FRAS1: variants seen among roughly 807,000 people sequenced by gnomAD.
The protein encoded by FRAS1 is extracellular matrix organizing protein FRAS1.
A neutral mutation model predicts 435.2 loss-of-function variants in FRAS1; 290 were observed. The ratio of observed to expected loss-of-function variants is 0.67; its 90% CI spans 0.61 to 0.73. The LOEUF is 0.73. Ranked by LOEUF, FRAS1 falls within the 30% of genes least tolerant of loss-of-function variation. The pLI, the probability that FRAS1 is intolerant of heterozygous loss-of-function variation, is 0.00. For missense variants in FRAS1, 4,860 were observed against 5,001.5 expected, an observed-to-expected ratio of 0.97 and a Z score of 0.85; for synonymous variants, 1,800 against 1,851.0, an observed-to-expected ratio of 0.97 and a Z score of 0.71.
Position 78,513,435 on chromosome 4 carries a change from C to T in FRAS1, c.10057C>T (p.Pro3353Ser). ...VQIPHQDGML[P>S]LISTMPLHNL... Reference sequence around the variant, plus strand: ...GATCCCACACCAGGATGGAATGCTGCCCCTTATCTCCACCATGCCGTTGCA... The same window carrying T: ...GATCCCACACCAGGATGGAATGCTGTCCCTTATCTCCACCATGCCGTTGCA... The change falls in exon 65 of 74, where the codon CCC becomes TCC. Residue 3353 changes from proline (P) to serine (S), a missense_variant. Physicochemically the swap from Pro to Ser is moderately conservative, Grantham distance 74 (BLOSUM62 -1). Coordinates refer to ENST00000512123, the MANE Select transcript of FRAS1 (RefSeq NM_025074.7). The T allele has an allele frequency of 6.2e-7, 1 of 1,613,930 alleles. No homozygotes were observed. Among genetic ancestry groups the T allele is most frequent in the Non-Finnish European group, 8.5e-7 (1 of 1,179,830 alleles).
intron 31 of FRAS1, among the ~76,000 whole-genome samples, chr4:78,411,204 AG>A (rs1380720541): frequency 2.7e-5 from 4 of 149,522 alleles, no homozygotes; most frequent in African/African-American, 9.9e-5. Flanking sequence ...TCCACCTCCC[AG>A]GTTCAAGCAG....
At chr4:78,227,122 A>G (rs1724309343) in intron 2 of FRAS1, among the ~76,000 whole-genome samples, 1 of 152,242 alleles carries the variant, frequency 6.6e-6, no homozygotes, top group African/African-American at 2.4e-5. Flanking sequence ...AATAAAATAC[A>G]GTACAGCCTT....
chr4:78,114,545 G>T (rs934769086), intron 2 of FRAS1, among the ~76,000 whole-genome samples: 1 of 151,574 alleles, frequency 6.6e-6, no homozygotes, highest in Non-Finnish European at 1.5e-5. Context: ...GGTCCTTCAT[G>T]TCCCTTTAAG....
At chr4:78,084,693 C>A (rs1387170817) in intron 2 of FRAS1, among the ~76,000 whole-genome samples, 2 of 152,058 alleles carry the variant, frequency 1.3e-5, no homozygotes, top group African/African-American at 4.8e-5. Context: ...CCTCTTCATA[C>A]ATTTCCTGCT....
intron 24 of FRAS1, 21 bp downstream of exon 24, chr4:78,372,879 C>G: frequency 6.2e-7 from 1 of 1,609,010 alleles, no homozygotes; most frequent in Non-Finnish European, 8.5e-7. Context: ...AGAGGCCCTG[C>G]TCTGTGCTCA....
intron 66 of FRAS1, among the ~76,000 whole-genome samples, chr4:78,518,642 G>C (rs1721293085): frequency 6.6e-6 from 1 of 152,046 alleles, no homozygotes; most frequent in African/African-American, 2.4e-5. Flanking sequence ...TTAAAAGCAG[G>C]AACACAAACT....
chr4:78,199,725 T>C (rs1489485307), intron 2 of FRAS1, among the ~76,000 whole-genome samples: 2 of 152,198 alleles, frequency 1.3e-5, no homozygotes, highest in African/African-American at 4.8e-5. Context: ...TATGCTAACA[T>C]TGATTTGATT....
intron 2 of FRAS1, among the ~76,000 whole-genome samples, chr4:78,232,667 T>C (rs1724567248): frequency 6.6e-6 from 1 of 152,238 alleles, no homozygotes; most frequent in Admixed American, 6.5e-5. Context: ...AATGTAGTAA[T>C]GACATTCAAC....
intron 35 of FRAS1, among the ~76,000 whole-genome samples, chr4:78,425,954 A>G (rs1433743365): frequency 6.6e-6 from 1 of 152,110 alleles, no homozygotes; most frequent in Admixed American, 6.6e-5. Flanking sequence ...CCACGCACAT[A>G]GTAATATTCC....
chr4:78,195,258 G>C (rs1437568373), intron 2 of FRAS1, among the ~76,000 whole-genome samples: 1 of 152,214 alleles, frequency 6.6e-6, no homozygotes, highest in Non-Finnish European at 1.5e-5. Flanking sequence ...GTTCTCAGAT[G>C]TCCAGCTGCG....
chr4:78,234,138 G>A (rs1188872276), intron 2 of FRAS1, among the ~76,000 whole-genome samples: 3 of 152,176 alleles, frequency 2.0e-5, no homozygotes, highest in South Asian at 2.1e-4. Context: ...CTGAAACCAA[G>A]ATTGTTTTCT....
At chr4:78,250,917 T>C (rs1344998695) in intron 4 of FRAS1, among the ~76,000 whole-genome samples, 1 of 152,216 alleles carries the variant, frequency 6.6e-6, no homozygotes, top group Non-Finnish European at 1.5e-5. Flanking sequence ...TTTGAAAATT[T>C]GAAATGTCTT....
At chr4:78,333,128 T>G in intron 18 of FRAS1, 144 bp from the exon 19 acceptor site, 74 of 839,516 alleles carry the variant, frequency 8.8e-5, no homozygotes, top group Non-Finnish European at 1.2e-4. Flanking sequence ...GGGAAGTGTG[T>G]GAGATGTGCA....
At chr4:78,494,941 C>T (rs978042427) in intron 59 of FRAS1, among the ~76,000 whole-genome samples, 1 of 152,198 alleles carries the variant, frequency 6.6e-6, no homozygotes, top group Non-Finnish European at 1.5e-5. Flanking sequence ...GAATACTTTA[C>T]AGAATGTCAC....
At chr4:78,085,172 A>T (rs1741085666) in intron 2 of FRAS1, among the ~76,000 whole-genome samples, 1 of 152,238 alleles carries the variant, frequency 6.6e-6, no homozygotes, top group East Asian at 1.9e-4. Flanking sequence ...ACTTGAAATG[A>T]TTCTTTTCTA....
At chr4:78,421,401 G>T (rs13104315) in intron 33 of FRAS1, among the ~76,000 whole-genome samples, 1 of 151,908 alleles carries the variant, frequency 6.6e-6, no homozygotes. Flanking sequence ...ACCCACCTCA[G>T]CCTCCCAAAG....
intron 59 of FRAS1, among the ~76,000 whole-genome samples, chr4:78,493,374 A>G (rs1578356763): frequency 6.6e-6 from 1 of 152,344 alleles, no homozygotes; most frequent in Non-Finnish European, 1.5e-5. Context: ...TTGCAGCACT[A>G]TTCACAATAG....
intron 51 of FRAS1, among the ~76,000 whole-genome samples, chr4:78,471,001 G>T (rs1457214474): frequency 6.6e-6 from 1 of 152,178 alleles, no homozygotes; most frequent in Non-Finnish European, 1.5e-5. Flanking sequence ...CTAAAACATT[G>T]TTCACTAGAA....
chr4:78,128,794 G>A (rs995157954), intron 2 of FRAS1, among the ~76,000 whole-genome samples: 11 of 152,208 alleles, frequency 7.2e-5, no homozygotes, highest in South Asian at 2.1e-4. Context: ...TTTTGTTGCT[G>A]TTGCTTTTGG....
Sources: gnomAD v4.1 joint callset for allele counts (sites outside exome capture counted in the v4.1 genomes callset) on GRCh38, gnomAD v4.1.1 for gene constraint, MANE v1.5 for transcripts, NCBI Gene and HGNC (gene_info 2026-07-23, HGNC 2026-07-21) for gene names.